Variants in SH3GL2 observed in about 807,000 individuals in gnomAD.
The protein encoded by SH3GL2 is SH3 domain containing GRB2 like 2, endophilin A1.
SH3GL2 carries 24 observed loss-of-function variants against 46.0 expected under a neutral mutation model. That is an observed-to-expected ratio of 0.52 (90% CI 0.38 to 0.73). The LOEUF (loss-of-function observed/expected upper bound fraction) is 0.73, where lower values mean the gene tolerates loss of function less well. Ranked by LOEUF, SH3GL2 falls within the 30% of genes least tolerant of loss-of-function variation. SH3GL2 has a pLI of 0.00. For synonymous variants in SH3GL2, 196 were observed against 147.1 expected, an observed-to-expected ratio of 1.33 and a Z score of -2.40; for missense variants, 413 against 424.2, an observed-to-expected ratio of 0.97 and a Z score of 0.23.
chr9:17,592,690 C>T (rs936235053), intron 1 of SH3GL2, among the ~76,000 whole-genome samples: 3 of 152,042 alleles, frequency 2.0e-5, no homozygotes, highest in Admixed American at 6.5e-5. Context: ...TTCTTAAGGA[C>T]CATGGTATTG....
chr9:17,694,568 A>G (rs749040242), intron 1 of SH3GL2, among the ~76,000 whole-genome samples: 3 of 152,164 alleles, frequency 2.0e-5, no homozygotes, highest in Non-Finnish European at 2.9e-5. Context: ...AAATGTCATT[A>G]TTTTTCCCCT....
intron 1 of SH3GL2, among the ~76,000 whole-genome samples, chr9:17,657,509 A>G (rs1425111993): frequency 6.6e-6 from 1 of 152,190 alleles, no homozygotes; most frequent in East Asian, 1.9e-4. Context: ...TATTCCTTTA[A>G]GCAAGTCATT....
chr9:17,624,044 A>G (rs962148353), intron 1 of SH3GL2, among the ~76,000 whole-genome samples: 1 of 152,176 alleles, frequency 6.6e-6, no homozygotes. Context: ...TTAATCTGAA[A>G]CATTTGCACA....
At chr9:17,774,082 A>G (rs1475174000) in intron 3 of SH3GL2, among the ~76,000 whole-genome samples, 6 of 151,956 alleles carry the variant, frequency 3.9e-5, no homozygotes, top group African/African-American at 1.4e-4. Flanking sequence ...TAACCTTTTA[A>G]TTTCCTTTTC....
chr9:17,636,790 T>C (rs373742616), intron 1 of SH3GL2, among the ~76,000 whole-genome samples: 41 of 152,356 alleles, frequency 2.7e-4, no homozygotes, highest in Middle Eastern at 3.4e-3. Flanking sequence ...GTTTAGTCTT[T>C]AATGCCCAAA....
At position 17,724,682 on chromosome 9, in the gene SH3GL2, C is replaced by T. The variant is rs550470417; in HGVS notation, c.46-22384C>T. On this transcript the variant is annotated intron_variant, in intron 1 of 8. Coordinates refer to ENST00000380607, the MANE Select transcript of SH3GL2 (RefSeq NM_003026.5). The stretch of plus-strand genomic sequence containing the variant: ...TGGTAACTCTGGATATTGATCCTCT[C>T]CCTCTTCTAGGGAAAGTTTCTTGAA... 5.2e-3 allele frequency among the ~76,000 whole-genome samples: 796 copies of T among 152,242 alleles called. 3 individuals carry two copies. Among genetic ancestry groups the T allele is most frequent in the Non-Finnish European group, 8.7e-3 (589 of 67,998 alleles).
At chr9:17,656,297 A>G (rs1274753286) in intron 1 of SH3GL2, among the ~76,000 whole-genome samples, 2 of 152,162 alleles carry the variant, frequency 1.3e-5, no homozygotes, top group Non-Finnish European at 2.9e-5. Context: ...ATATTCTTTA[A>G]TATATAATAT....
intron 1 of SH3GL2, among the ~76,000 whole-genome samples, chr9:17,612,889 C>T (rs368072208): frequency 2.0e-5 from 3 of 152,156 alleles, no homozygotes; most frequent in East Asian, 3.9e-4. Flanking sequence ...TGTACTTCTG[C>T]CTCTGTCTTT....
At chr9:17,594,826 A>G (rs536123089) in intron 1 of SH3GL2, among the ~76,000 whole-genome samples, 1 of 152,168 alleles carries the variant, frequency 6.6e-6, no homozygotes, top group East Asian at 1.9e-4. Flanking sequence ...TTAATTGATA[A>G]TTGTTGAATG....
intron 1 of SH3GL2, among the ~76,000 whole-genome samples, chr9:17,680,021 T>A (rs1434473986): frequency 6.6e-6 from 1 of 152,172 alleles, no homozygotes; most frequent in African/African-American, 2.4e-5. Flanking sequence ...TGCTGCTGGA[T>A]TCGGTTTGCC....
intron 1 of SH3GL2, among the ~76,000 whole-genome samples, chr9:17,737,999 G>A (rs1464808178): frequency 6.6e-6 from 1 of 152,026 alleles, no homozygotes; most frequent in Non-Finnish European, 1.5e-5. Context: ...TCTCAACTAT[G>A]TTCTAATTGT....
At chr9:17,651,477 C>T (rs912506214) in intron 1 of SH3GL2, among the ~76,000 whole-genome samples, 1 of 152,064 alleles carries the variant, frequency 6.6e-6, no homozygotes, top group Admixed American at 6.5e-5. Context: ...ATAATTAATG[C>T]TGTGTTTGCC....
chr9:17,712,439 T>G (rs1465975155), intron 1 of SH3GL2, among the ~76,000 whole-genome samples: 2 of 151,846 alleles, frequency 1.3e-5, no homozygotes, highest in East Asian at 3.9e-4. Flanking sequence ...GTTTCATAGT[T>G]AGGTATTATA....
chr9:17,609,685 C>G (rs1208852116), intron 1 of SH3GL2, among the ~76,000 whole-genome samples: 2 of 152,166 alleles, frequency 1.3e-5, no homozygotes, highest in South Asian at 2.1e-4. Flanking sequence ...CTTGATACGG[C>G]TTTGGGGAAT....
intron 1 of SH3GL2, among the ~76,000 whole-genome samples, chr9:17,615,189 G>C (rs2383037): frequency 0.91 from 138,130 of 152,138 alleles, 64,221 homozygotes; most frequent in East Asian, 1. Context: ...TGAGCACCCC[G>C]TAGCAGGGTG....
At chr9:17,633,152 G>T (rs752796004) in intron 1 of SH3GL2, among the ~76,000 whole-genome samples, 1 of 152,178 alleles carries the variant, frequency 6.6e-6, no homozygotes, top group Non-Finnish European at 1.5e-5. Flanking sequence ...TCTCAAGTGA[G>T]TGTGCCCTCA....
chr9:17,698,777 C>G (rs913653569), intron 1 of SH3GL2, among the ~76,000 whole-genome samples: 2 of 152,144 alleles, frequency 1.3e-5, no homozygotes, highest in Admixed American at 6.5e-5. Context: ...ATGTTTCTAA[C>G]CTTGAAGGGA....
At chr9:17,635,528 T>C (rs1488736673) in intron 1 of SH3GL2, among the ~76,000 whole-genome samples, 2 of 152,202 alleles carry the variant, frequency 1.3e-5, no homozygotes, top group Non-Finnish European at 2.9e-5. Context: ...GGGTTTGAAC[T>C]GCTTTATCTG....
At chr9:17,731,496 C>A (rs894312583) in intron 1 of SH3GL2, among the ~76,000 whole-genome samples, 1 of 151,692 alleles carries the variant, frequency 6.6e-6, no homozygotes, top group Non-Finnish European at 1.5e-5. Context: ...TCCACACAAC[C>A]ACAGAGGAAG....
Sources: gnomAD v4.1 joint callset for allele counts (sites outside exome capture counted in the v4.1 genomes callset) on GRCh38, gnomAD v4.1.1 for gene constraint, MANE v1.5 for transcripts, NCBI Gene and HGNC (gene_info 2026-07-23, HGNC 2026-07-21) for gene names.